MTM1: variants seen among roughly 807,000 people sequenced by gnomAD.
MTM1 encodes the protein myotubularin.
Under a neutral mutation model 52.1 loss-of-function variants are expected in MTM1, and 9 were observed. The ratio of observed to expected loss-of-function variants is 0.17; its 90% CI spans 0.10 to 0.30. The LOEUF is 0.30. Ranked by LOEUF, MTM1 falls within the 10% of genes least tolerant of loss-of-function variation. MTM1 has a pLI of 1.00. For synonymous variants in MTM1, 136 were observed against 163.8 expected (o/e 0.83, Z 1.29); for missense variants, 277 against 470.7 (o/e 0.59, Z 3.81).
At chrX:150,605,900 C>T (rs1325886359) in intron 4 of MTM1, among the ~76,000 whole-genome samples, 1 of 110,325 alleles carries the variant, frequency 9.1e-6, no homozygotes, top group Non-Finnish European at 1.9e-5. Context: ...GTTTACCTTT[C>T]AGTGTGAGCA....
At chrX:150,571,965 AT>A (rs1457305029) in intron 1 of MTM1, among the ~76,000 whole-genome samples, 5 of 111,712 alleles carry the variant, frequency 4.5e-5, no homozygotes, top group Non-Finnish European at 7.5e-5. Flanking sequence ...TTTGCAGTGT[AT>A]TTTTCCACTG....
chrX:150,668,666 G>C (rs782755654), intron 14 of MTM1, among the ~76,000 whole-genome samples: 1 of 111,176 alleles, frequency 9.0e-6, no homozygotes, highest in East Asian at 2.8e-4. Context: ...ATTTTGCTGA[G>C]CTACGATTGC....
chrX:150,640,022 A>G (rs1482946811), intron 7 of MTM1, among the ~76,000 whole-genome samples: 2 of 111,397 alleles, frequency 1.8e-5, no homozygotes, highest in African/African-American at 3.3e-5. Context: ...CATATGTGAC[A>G]TAGTATATCC....
At chrX:150,583,389 AT>A (rs1179056181) in intron 1 of MTM1, among the ~76,000 whole-genome samples, 2 of 39,527 alleles carry the variant, frequency 5.1e-5, no homozygotes, top group African/African-American at 2.3e-4. Context: ...ATATAATATA[AT>A]ATATATAAAT....
At chrX:150,581,432 C>G (rs911674553) in intron 1 of MTM1, among the ~76,000 whole-genome samples, 4 of 111,429 alleles carry the variant, frequency 3.6e-5, no homozygotes, top group Admixed American at 9.6e-5. Context: ...TAAAAACTTT[C>G]TCCTTTTAAA....
At chrX:150,651,178 CA>C (rs2040013953) in intron 10 of MTM1, among the ~76,000 whole-genome samples, 1 of 111,798 alleles carries the variant, frequency 8.9e-6, no homozygotes, top group East Asian at 2.8e-4. Context: ...ACATAAAAAC[CA>C]AAATAAAACT....
intron 4 of MTM1, among the ~76,000 whole-genome samples, chrX:150,605,506 A>G (rs1307505568): frequency 8.9e-6 from 1 of 112,798 alleles, no homozygotes; most frequent in Non-Finnish European, 1.9e-5. Context: ...TTCTTCAGGC[A>G]GTGTATTACC....
At chrX:150,668,354 G>A (rs929787647) in intron 14 of MTM1, among the ~76,000 whole-genome samples, 1 of 111,347 alleles carries the variant, frequency 9.0e-6, no homozygotes, top group East Asian at 2.8e-4. Context: ...GTTCTAGAAA[G>A]TGTCTGCTTC....
rs140207848 is a variant in MTM1 at position 150,598,280 on chromosome X, T to G, written c.137-312T>G. Among the ~76,000 whole-genome samples, 370 of 111,672 alleles carry G rather than the reference T, an allele frequency of 3.3e-3. 4 individuals carry two copies. The East Asian group carries it at 0.079, about 24-fold the overall frequency. ...TCAAATAGTTACCTTTACAACCACCTTAGGGTAGCAGCAGCAGTATTCTCA... is the reference window on the plus strand; with the variant it reads ...TCAAATAGTTACCTTTACAACCACCGTAGGGTAGCAGCAGCAGTATTCTCA... On this transcript the variant is annotated intron_variant, in intron 3 of 14. Transcript: ENST00000370396.
At chrX:150,610,002 T>G (rs1208186586) in intron 4 of MTM1, among the ~76,000 whole-genome samples, 1 of 111,911 alleles carries the variant, frequency 8.9e-6, no homozygotes, top group Non-Finnish European at 1.9e-5. Flanking sequence ...CCATCACCGT[T>G]GCTGAAACCT....
At chrX:150,645,636 T>G in intron 8 of MTM1, 47 bp from the exon 9 acceptor site, 3 of 1,122,900 alleles carry the variant, frequency 2.7e-6, no homozygotes, top group Non-Finnish European at 3.7e-6. Flanking sequence ...ATTGTTTGCT[T>G]GGAGATTTGC....
rs186483298 is a variant in MTM1, at chrX:150,597,629, A to C, written c.137-963A>C. On this transcript the variant is annotated intron_variant, in intron 3 of 14. Coordinates refer to ENST00000370396, the MANE Select transcript of MTM1 (RefSeq NM_000252.3). ...TCATTACGAGTCATTAACACATTCAAGGACATCCCTGAAAGATGAGAGGCA... is the reference window on the plus strand; with the variant it reads ...TCATTACGAGTCATTAACACATTCACGGACATCCCTGAAAGATGAGAGGCA... Among the ~76,000 whole-genome samples the C allele has an allele frequency of 4.0e-3, 444 of 111,686 alleles. 1 individual carries two copies. The highest frequency in any genetic ancestry group is 0.019 in the Middle Eastern group (4 of 216).
chrX:150,568,207 G>T (rs2038288694), upstream of MTM1, among the ~76,000 whole-genome samples: 1 of 112,686 alleles, frequency 8.9e-6, no homozygotes, highest in Admixed American at 9.3e-5. Flanking sequence ...GTCTTGTATA[G>T]AGAAGTTTTC....
the MTM1 span, among the ~76,000 whole-genome samples, chrX:150,562,840 G>A: frequency 1.8e-5 from 2 of 111,505 alleles, no homozygotes; most frequent in East Asian, 2.8e-4. Flanking sequence ...TAGCAGTCTC[G>A]TCTGCCCAGG....
intron 1 of MTM1, among the ~76,000 whole-genome samples, chrX:150,589,759 T>C (rs1173130545): frequency 9.1e-6 from 1 of 109,427 alleles, no homozygotes; most frequent in Non-Finnish European, 1.9e-5. Flanking sequence ...TCTTTTTTTT[T>C]TTTTTTTTAA....
At chrX:150,612,885 G>C (rs955954601) in intron 4 of MTM1, among the ~76,000 whole-genome samples, 1 of 111,155 alleles carries the variant, frequency 9.0e-6, no homozygotes, top group Non-Finnish European at 1.9e-5. Context: ...TTGGGAGGCT[G>C]AGGCAGGAGA....
chrX:150,570,943 A>T (rs1342556870), intron 1 of MTM1, among the ~76,000 whole-genome samples: 2 of 112,516 alleles, frequency 1.8e-5, no homozygotes, highest in Non-Finnish European at 3.7e-5. Flanking sequence ...GCAAAATTTT[A>T]AACTTTTACA....
intron 13 of MTM1, among the ~76,000 whole-genome samples, chrX:150,662,078 GA>G (rs2040231181): frequency 9.0e-6 from 1 of 111,281 alleles, no homozygotes; most frequent in Admixed American, 9.5e-5. Context: ...AATACTGGGG[GA>G]AAAACACAAT....
At chrX:150,599,777 A>G (rs1235092909) in intron 4 of MTM1, among the ~76,000 whole-genome samples, 2 of 111,748 alleles carry the variant, frequency 1.8e-5, no homozygotes, top group African/African-American at 3.3e-5. Context: ...ATCAGGCCAC[A>G]GGGCATTTTA....
Sources: gnomAD v4.1 joint callset for allele counts (sites outside exome capture counted in the v4.1 genomes callset) on GRCh38, gnomAD v4.1.1 for gene constraint, MANE v1.5 for transcripts, NCBI Gene and HGNC (gene_info 2026-07-23, HGNC 2026-07-21) for gene names.